The following CA5B variants were observed in gnomAD, a reference collection of about 807,000 sequenced individuals.
CA5B encodes carbonic anhydrase 5B, mitochondrial.
Under a neutral mutation model 23.1 loss-of-function variants are expected in CA5B, and 15 were observed. The observed-to-expected ratio is 0.65, with a 90% CI of 0.43 to 1.00. The LOEUF (loss-of-function observed/expected upper bound fraction) is 1.00, where lower values mean the gene tolerates loss of function less well. CA5B is among the 50% of genes least tolerant of loss of function. CA5B has a pLI of 0.00. For synonymous variants in CA5B, 84 were observed against 98.5 expected (o/e 0.85, Z 0.87); for missense variants, 236 against 252.2 (o/e 0.94, Z 0.43).
At chrX:15,744,381 C>T (rs1442998998) in intron 1 of CA5B, among the ~76,000 whole-genome samples, 1 of 112,706 alleles carries the variant, frequency 8.9e-6, no homozygotes, top group Non-Finnish European at 1.9e-5. Flanking sequence ...GCCTTGGCCT[C>T]ATGTGTGTTC....
chrX:15,764,553 A>G (rs766208766), intron 2 of CA5B, 25 bp from the exon 3 acceptor site: 20 of 1,208,005 alleles, frequency 1.7e-5, no homozygotes, highest in Non-Finnish European at 2.2e-5. Context: ...CAGTCTTGAT[A>G]ATAGGCTGAC....
chrX:15,787,258 GACA>G lies in CA5B; in HGVS notation c.*4602_*4604del, dbSNP rs774578087. The G allele has an allele frequency of 1.8e-5, 2 of 112,190 alleles. No individual in the cohort carries two copies. The highest frequency in any genetic ancestry group is 2.8e-4 in the East Asian group (1 of 3,594). 9.2% of individuals were successfully genotyped at this position (112,190 alleles called of 1,213,427 possible). On this transcript the variant is annotated 3_prime_UTR_variant, in exon 8 of 8. Coordinates refer to ENST00000318636, the MANE Select transcript of CA5B (RefSeq NM_007220.4). ...TCAAGATGTTACATTCCCTAGGAGG[GACA>G]ACAACAAGGCCAACCTGTTTCAGGC...
intron 3 of CA5B, among the ~76,000 whole-genome samples, chrX:15,771,262 T>C (rs1321524505): frequency 1.0e-5 from 1 of 97,328 alleles, no homozygotes; most frequent in East Asian, 3.8e-4. Context: ...TCCCAACTAC[T>C]CAGGAGACTG....
Position 15,784,563 on chromosome X carries a change from ACT to A in CA5B, c.*1902_*1903del, listed in dbSNP as rs998114012. The stretch of plus-strand genomic sequence containing the variant: ...TGAATGCCTCTAAGCCTATGTTCAG[ACT>A]CTGTTGCGTCAATGACTGGTAGTAT... On this transcript the variant is annotated 3_prime_UTR_variant, in exon 8 of 8. Coordinates refer to ENST00000318636, the MANE Select transcript of CA5B (RefSeq NM_007220.4). 9.0e-6 allele frequency: 1 copy of A among 111,539 alleles called. No homozygotes were observed. Among genetic ancestry groups the A allele is most frequent in the Non-Finnish European group, 1.9e-5 (1 of 53,131 alleles). The allele number at this position is 111,539 out of a possible 1,213,427, so 9.2% of individuals were successfully genotyped here.
At chrX:15,751,788 A>G (rs1931360320) in intron 2 of CA5B, among the ~76,000 whole-genome samples, 1 of 111,043 alleles carries the variant, frequency 9.0e-6, no homozygotes, top group Non-Finnish European at 1.9e-5. Context: ...GTTTGCCCCA[A>G]GAATAATATT....
chrX:15,774,159 T>G (rs1272620239), intron 4 of CA5B, 143 bp from the exon 5 acceptor site: 1 of 492,203 alleles, frequency 2.0e-6, no homozygotes, highest in African/African-American at 2.5e-5. Flanking sequence ...TCTATCTCAT[T>G]TTGGATTGTC....
chrX:15,764,428 C>G (rs1351971821), intron 2 of CA5B, 150 bp from the exon 3 acceptor site: 1 of 867,836 alleles, frequency 1.2e-6, no homozygotes, highest in Non-Finnish European at 1.6e-6. Context: ...TTTGTAGAGA[C>G]AGGGTTTCGC....
Position 15,772,586 on chromosome X carries a change from C to G in CA5B, c.431C>G (p.Thr144Ser). The change falls in exon 4 of 8, where the codon ACC becomes AGC. Residue 144 changes from threonine (T) to serine (S), a missense_variant. Around this residue, in one of 3 missense-constraint regions of CA5B, gnomAD observed 170 missense variants for 162.0 expected, o/e 1.05. Transcript: ENST00000318636. ...GAIDAWGSEH[T>S]VDSKCFPAEL... is the part of the protein sequence containing the mutation. ...ATCGATGCCTGGGGTTCTGAGCACACCGTGGACAGCAAATGCTTCCCAGCA... is the reference window on the plus strand; with the variant it reads ...ATCGATGCCTGGGGTTCTGAGCACAGCGTGGACAGCAAATGCTTCCCAGCA... 1.7e-6 allele frequency: 2 copies of G among 1,193,647 alleles called. No homozygotes were observed. Among genetic ancestry groups the G allele is most frequent in the Non-Finnish European group, 2.3e-6 (2 of 880,550 alleles).
In CA5B at chrX:15,787,135, C is replaced by G. The variant is rs1932131618; in HGVS notation, c.*4471C>G. The G allele has an allele frequency of 9.0e-6, 1 of 111,541 alleles. No homozygotes were observed. The highest frequency in any genetic ancestry group is 1.9e-5 in the Non-Finnish European group (1 of 53,095). The allele number at this position is 111,541 out of a possible 1,213,427, so 9.2% of individuals were successfully genotyped here. On this transcript the variant is annotated 3_prime_UTR_variant, in exon 8 of 8. Coordinates refer to ENST00000318636, the MANE Select transcript of CA5B (RefSeq NM_007220.4). ...CCACAGCCTGCCTTGGGTTATATAC[C>G]ATAGGAGCCACATAACTCATTGGGC...
At chrX:15,760,339 GC>G (rs1411093635) in intron 2 of CA5B, among the ~76,000 whole-genome samples, 2 of 111,120 alleles carry the variant, frequency 1.8e-5, no homozygotes, top group African/African-American at 6.6e-5. Flanking sequence ...CAGTAAGGGG[GC>G]AGTGACCAAG....
intron 3 of CA5B, among the ~76,000 whole-genome samples, chrX:15,766,726 G>A (rs1931717193): frequency 8.9e-6 from 1 of 111,858 alleles, no homozygotes; most frequent in Non-Finnish European, 1.9e-5. Context: ...TGGTGGAATA[G>A]CTAGAGAAGG....
chrX:15,765,357 A>T (rs1931685101), intron 3 of CA5B: 2 of 211,253 alleles, frequency 9.5e-6, no homozygotes, highest in African/African-American at 6.1e-5. Flanking sequence ...TTCAAATATT[A>T]TATTGATTTT....
At chrX:15,753,212 G>C (rs765984241) in intron 2 of CA5B, among the ~76,000 whole-genome samples, 72 of 112,514 alleles carry the variant, frequency 6.4e-4, no homozygotes, top group Non-Finnish European at 9.0e-4. Flanking sequence ...ATATTTTACA[G>C]AGTTCGACTC....
intron 4 of CA5B, among the ~76,000 whole-genome samples, chrX:15,773,610 C>T (rs989159987): frequency 1.4e-4 from 15 of 109,963 alleles, no homozygotes; most frequent in Middle Eastern, 4.7e-3. Flanking sequence ...GGAGTTTCAC[C>T]GTGTTAGCCA....
At chrX:15,750,648 C>G (rs1020033198) in intron 2 of CA5B, among the ~76,000 whole-genome samples, 3 of 111,955 alleles carry the variant, frequency 2.7e-5, no homozygotes, top group Non-Finnish European at 5.6e-5. Context: ...AGTTTACTAG[C>G]TTCAACGTTC....
chrX:15,751,188 T>C (rs1931348231), intron 2 of CA5B, among the ~76,000 whole-genome samples: 1 of 112,419 alleles, frequency 8.9e-6, no homozygotes, highest in Admixed American at 9.4e-5. Context: ...TTTCAAATGT[T>C]GGACTGCACT....
chrX:15,764,296 G>A (rs1331122589), intron 2 of CA5B, among the ~76,000 whole-genome samples: 7 of 108,542 alleles, frequency 6.4e-5, no homozygotes, highest in Non-Finnish European at 1.3e-4. Flanking sequence ...AGGCTGGAGT[G>A]CAGTGGTGCT....
chrX:15,762,425 A>G (rs60099341), intron 2 of CA5B, among the ~76,000 whole-genome samples: 38,924 of 108,648 alleles, frequency 0.36, 5,266 homozygotes, highest in Admixed American at 0.42. Context: ...TAACAAAACA[A>G]CTACCTTAGT....
At chrX:15,775,514 C>T (rs1283793091) in intron 6 of CA5B, 18 of 956,017 alleles carry the variant, frequency 1.9e-5, no homozygotes, top group Admixed American at 1.1e-4. Flanking sequence ...GCTGCAGTGC[C>T]GCTGAGGACT....
Sources: allele counts gnomAD v4.1 joint callset (sites outside exome capture counted in the v4.1 genomes callset), GRCh38; gene constraint gnomAD v4.1.1; regional missense constraint gnomAD v4.1.1; transcripts MANE v1.5; gene names NCBI Gene and HGNC (gene_info 2026-07-23, HGNC 2026-07-21).